CPLANE1: variants seen among roughly 807,000 people sequenced by gnomAD.
CPLANE1 encodes ciliogenesis and planar polarity effector complex subunit 1.
CPLANE1 carries 263 observed loss-of-function variants against 362.5 expected under a neutral mutation model. That is an observed-to-expected ratio of 0.73 (90% CI 0.66 to 0.80). CPLANE1 has a LOEUF of 0.80. Ranked by LOEUF, CPLANE1 falls within the 30% of genes least tolerant of loss-of-function variation. The probability of loss-of-function intolerance (pLI) is 0.00; values close to 1 mark genes in which losing one functional copy is unlikely to be tolerated. For missense variants in CPLANE1, 3,461 were observed against 3,793.4 expected, an observed-to-expected ratio of 0.91 and a Z score of 2.30; for synonymous variants, 1,212 against 1,302.6, an observed-to-expected ratio of 0.93 and a Z score of 1.50.
chr5:37,191,541 C>G (rs1233738112), intron 21 of CPLANE1, among the ~76,000 whole-genome samples: 1 of 152,004 alleles, frequency 6.6e-6, no homozygotes, highest in Non-Finnish European at 1.5e-5. Flanking sequence ...TATGGTGGTA[C>G]ATGCCTGTTG....
intron 1 of CPLANE1, among the ~76,000 whole-genome samples, chr5:37,248,074 T>C (rs574700249): frequency 2.0e-5 from 3 of 152,026 alleles, no homozygotes; most frequent in Admixed American, 1.3e-4. Context: ...ACAGGCACGA[T>C]CCACTGCGCA....
the CPLANE1 span, among the ~76,000 whole-genome samples, chr5:37,087,010 G>A: frequency 6.6e-6 from 1 of 152,178 alleles, no homozygotes; most frequent in Non-Finnish European, 1.5e-5. Context: ...TTCAGGCTGA[G>A]GTTTCATCAT....
chr5:37,163,337 C>G (rs555910648), intron 37 of CPLANE1, among the ~76,000 whole-genome samples: 3 of 152,144 alleles, frequency 2.0e-5, no homozygotes, highest in Admixed American at 6.5e-5. Context: ...CTGGCTTAGG[C>G]TGATATCAAC....
rs1580756702 is a variant in CPLANE1 at position 37,209,460 on chromosome 5, C to T, written c.2921-3035G>A. ...CCAGACATTTAAGGATCGGGGTATA[C>T]TGGAAACACTCAAGATACAACTTCG... On this transcript the variant is annotated intron_variant, in intron 16 of 52. Transcript: ENST00000651892. This position sits in a 1 kb window ranked among gnomAD's most constrained non-coding sequence, Gnocchi z 4.6. 6 of 1,302,530 alleles carry T rather than the reference C, an allele frequency of 4.6e-6. No homozygotes were observed. The highest frequency in any genetic ancestry group is 2.9e-5 in the African/African-American group (2 of 69,020). 80.7% of individuals were successfully genotyped at this position (1,302,530 alleles called of 1,614,324 possible).
chr5:37,091,273 T>C, the CPLANE1 span, among the ~76,000 whole-genome samples: 1 of 152,326 alleles, frequency 6.6e-6, no homozygotes, highest in African/African-American at 2.4e-5. Flanking sequence ...ATCTAATTAG[T>C]GCACACACCC....
intron 41 of CPLANE1, among the ~76,000 whole-genome samples, chr5:37,154,516 G>C (rs1261934968): frequency 7.6e-6 from 1 of 132,330 alleles, no homozygotes; most frequent in African/African-American, 3.1e-5. Context: ...CACCCAGGCT[G>C]GTCTGAACTC....
In CPLANE1 at chr5:37,169,370, T is replaced by A. The variant is rs1580369618; in HGVS notation, c.6654A>T (p.Thr2218=). 6.2e-7 allele frequency: 1 copy of A among 1,614,206 alleles called. No homozygotes were observed. Among genetic ancestry groups the A allele is most frequent in the South Asian group, 1.1e-5 (1 of 91,084 alleles). ...KAPRLIPHAK[T]FSPGDGFPLL... is the part of the protein sequence containing the mutation. The stretch of plus-strand genomic sequence containing the variant: ...AAGGAAAGCCATCACCAGGACTAAA[T>A]GTTTTTGCATGTGGGATAAGTCTAG... The change falls in exon 34 of 53, where the codon ACA becomes ACT. Residue 2218 remains threonine (T), a synonymous_variant. Coordinates refer to ENST00000651892, the MANE Select transcript of CPLANE1 (RefSeq NM_001384732.1).
chr5:37,199,687 T>C (rs1342160637), intron 19 of CPLANE1, among the ~76,000 whole-genome samples: 1 of 152,230 alleles, frequency 6.6e-6, no homozygotes, highest in Non-Finnish European at 1.5e-5. Flanking sequence ...AATGTGAGCA[T>C]TGTAAACATC....
chr5:37,087,776 T>C, the CPLANE1 span, among the ~76,000 whole-genome samples: 7 of 152,142 alleles, frequency 4.6e-5, no homozygotes, highest in Non-Finnish European at 1.0e-4. Context: ...TCTTTTAACC[T>C]TATAAAGAGC....
chr5:37,076,376 ATC>A, the CPLANE1 span, among the ~76,000 whole-genome samples: 6 of 152,054 alleles, frequency 3.9e-5, no homozygotes, highest in Admixed American at 2.0e-4. Flanking sequence ...CCCAGGTGCA[ATC>A]TCTGCTCACC....
chr5:37,180,118 G>T lies in CPLANE1; in HGVS notation c.5636C>A (p.Thr1879Asn). 6.4e-7 allele frequency: 1 copy of T among 1,552,622 alleles called. No individual in the cohort carries two copies. Among genetic ancestry groups the T allele is most frequent in the Non-Finnish European group, 8.7e-7 (1 of 1,147,494 alleles). Residue 1879 changes from threonine to asparagine, a missense_variant, in exon 28 of 53, where the codon ACT (threonine) becomes AAT (asparagine). This residue lies in a region of CPLANE1 where 3,380 missense variants were observed against 3,666.1 expected (regional missense o/e 0.92). Transcript: ENST00000651892. Reference protein sequence around the residue: ...KEINDDIISITHNTKKEFIDI... With the variant: ...KEINDDIISINHNTKKEFIDI... ...TATAAATTCTTTTTTAGTATTATGA[G>T]TGATGGAAATAATATCATCATTGAT...
At chr5:37,140,651 G>A in intron 44 of CPLANE1, 2 of 985,318 alleles carry the variant, frequency 2.0e-6, no homozygotes, top group Non-Finnish European at 2.4e-6. Flanking sequence ...TTCCAATAAC[G>A]ACTGGGCTGC....
intron 32 of CPLANE1, among the ~76,000 whole-genome samples, chr5:37,171,749 T>A (rs1045826567): frequency 5.8e-5 from 5 of 86,938 alleles, no homozygotes; most frequent in East Asian, 4.6e-4. Context: ...TAGCTTACTC[T>A]CTCTCTCTCT....
At chr5:37,082,487 C>A in the CPLANE1 span, among the ~76,000 whole-genome samples, 1 of 152,026 alleles carries the variant, frequency 6.6e-6, no homozygotes, top group East Asian at 1.9e-4. Flanking sequence ...AAAACATACA[C>A]AAAGACCAAT....
chr5:37,108,787 C>CT (rs1362383433), intron 51 of CPLANE1, among the ~76,000 whole-genome samples: 1 of 152,186 alleles, frequency 6.6e-6, no homozygotes, highest in African/African-American at 2.4e-5. Context: ...TGGGTGAACT[C>CT]TGAGACCTGG....
chr5:37,084,048 T>G, the CPLANE1 span, among the ~76,000 whole-genome samples: 1,045 of 152,290 alleles, frequency 6.9e-3, 32 homozygotes, highest in East Asian at 0.074. Context: ...AGGTAACCTA[T>G]AAAGGAAAAC....
chr5:37,198,740 T>TA lies in CPLANE1; in HGVS notation c.3633dup (p.Ile1212TyrfsTer32). The TA allele has an allele frequency of 6.2e-7, 1 of 1,614,146 alleles. No individual in the cohort carries two copies. Among genetic ancestry groups the TA allele is most frequent in the South Asian group, 1.1e-5 (1 of 91,084 alleles). Reference sequence around the variant, plus strand: ...TTTCTTGCCCACCTCAACTGCAATATATACCACTGTGCTACAGGAAAAGAA... The same window carrying TA: ...TTTCTTGCCCACCTCAACTGCAATATAATACCACTGTGCTACAGGAAAAGAA... On this transcript the variant is annotated frameshift_variant, in exon 20 of 53. Coordinates refer to ENST00000651892, the MANE Select transcript of CPLANE1 (RefSeq NM_001384732.1).
chr5:37,226,936 T>C lies in CPLANE1; in HGVS notation c.1659A>G (p.Ile553Met). 6.4e-7 allele frequency: 1 copy of C among 1,552,014 alleles called. No individual in the cohort carries two copies. The highest frequency in any genetic ancestry group is 8.7e-7 in the Non-Finnish European group (1 of 1,147,030). Residue 553 changes from isoleucine to methionine, a missense_variant, in exon 12 of 53, where the codon ATA becomes ATG. Physicochemically the swap from Ile to Met is conservative, Grantham distance 10. Coordinates refer to ENST00000651892, the MANE Select transcript of CPLANE1 (RefSeq NM_001384732.1). ...TCTCCTCACTATCATCCTTTGCATG[T>C]ATCGTATCAAACATAGATGCAAATT... is the stretch of plus-strand genomic sequence containing the variant. ...RLEFASMFDT[I>M]HAKDDSEETD...
At chr5:37,114,536 G>A (rs138883941) in intron 51 of CPLANE1, among the ~76,000 whole-genome samples, 1 of 152,306 alleles carries the variant, frequency 6.6e-6, no homozygotes, top group East Asian at 1.9e-4. Context: ...CTGAACCACT[G>A]CAGCGCAGAG....
Sources: allele counts gnomAD v4.1 joint callset (sites outside exome capture counted in the v4.1 genomes callset), GRCh38; gene constraint gnomAD v4.1.1; regional missense constraint gnomAD v4.1.1; non-coding constraint Gnocchi (gnomAD v3.1); transcripts MANE v1.5; gene names NCBI Gene and HGNC (gene_info 2026-07-23, HGNC 2026-07-21).